The following MCTP1 variants were observed in gnomAD, a reference collection of about 807,000 sequenced individuals.
MCTP1 encodes multiple C2 and transmembrane domain containing 1, also known as multiple C2 and transmembrane domain-containing protein 1.
MCTP1 carries 69 observed loss-of-function variants against 120.6 expected under a neutral mutation model. The ratio of observed to expected loss-of-function variants is 0.57; its 90% CI spans 0.47 to 0.70. The LOEUF (loss-of-function observed/expected upper bound fraction) is 0.70. Ranked by LOEUF, MCTP1 falls within the 30% of genes least tolerant of loss-of-function variation. The probability of loss-of-function intolerance (pLI) is 0.00; values close to 1 mark genes in which losing one functional copy is unlikely to be tolerated. For missense variants in MCTP1, 1,203 were observed against 1,248.8 expected, an observed-to-expected ratio of 0.96 and a Z score of 0.55; for synonymous variants, 529 against 493.1, an observed-to-expected ratio of 1.07 and a Z score of -0.96.
intron 1 of MCTP1, among the ~76,000 whole-genome samples, chr5:95,060,645 C>G (rs1748716835): frequency 6.6e-6 from 1 of 152,094 alleles, no homozygotes; most frequent in Non-Finnish European, 1.5e-5. Context: ...TTGTTCCACT[C>G]AGAATTTTAG....
At chr5:95,031,524 C>T (rs1310169047) in intron 1 of MCTP1, among the ~76,000 whole-genome samples, 4 of 152,100 alleles carry the variant, frequency 2.6e-5, no homozygotes, top group Admixed American at 1.3e-4. Flanking sequence ...AATTTCACGT[C>T]CTCCTAAAAA....
At chr5:94,847,516 G>A (rs1277279897) in intron 17 of MCTP1, among the ~76,000 whole-genome samples, 2 of 151,860 alleles carry the variant, frequency 1.3e-5, no homozygotes, top group Admixed American at 1.3e-4. Context: ...CTGGAAATGG[G>A]ATCTCTGAGG....
At chr5:94,976,654 A>G (rs1268679491) in intron 2 of MCTP1, 2 of 152,138 alleles carry the variant, frequency 1.3e-5, no homozygotes, top group South Asian at 2.1e-4. Context: ...TATAGCAAAC[A>G]TACAGTAAAA....
rs535326505 is a variant in MCTP1, at chr5:94,800,283, A to G, written c.2437-1151T>C. On this transcript the variant is annotated intron_variant, in intron 17 of 22. Transcript: ENST00000515393. ...AAGGTCCTCAAGTAATACAGATTAT[A>G]ATACTGGAAGCTAGAAAGCCCTCTG... Among the ~76,000 whole-genome samples, 15 of 152,336 alleles carry G rather than the reference A, an allele frequency of 9.8e-5. No individual in the cohort carries two copies. The South Asian group carries it at 2.9e-3, about 29-fold the overall frequency.
intron 17 of MCTP1, among the ~76,000 whole-genome samples, chr5:94,860,927 CTT>C (rs770777629): frequency 7.9e-5 from 12 of 151,604 alleles, no homozygotes; most frequent in South Asian, 2.1e-4. Context: ...AAAGGCCACA[CTT>C]TGTCTCTAAA....
intron 2 of MCTP1, among the ~76,000 whole-genome samples, chr5:94,996,090 AAGAC>A (rs1018041270): frequency 1.3e-5 from 2 of 152,214 alleles, no homozygotes; most frequent in Admixed American, 1.3e-4. Context: ...ATTGGCTTAA[AAGAC>A]AGTTAAATGT....
chr5:95,122,389 T>C (rs1279093375), intron 1 of MCTP1, among the ~76,000 whole-genome samples: 1 of 152,186 alleles, frequency 6.6e-6, no homozygotes, highest in African/African-American at 2.4e-5. Context: ...CAAACAGGTA[T>C]ATGAAATGGT....
chr5:94,964,689 G>C (rs1022091261), intron 2 of MCTP1, among the ~76,000 whole-genome samples: 11 of 152,038 alleles, frequency 7.2e-5, no homozygotes, highest in Non-Finnish European at 7.4e-5. Flanking sequence ...CATTTAAATA[G>C]AATATCTTTT....
chr5:95,013,931 C>A (rs1209678222), intron 2 of MCTP1, among the ~76,000 whole-genome samples: 1 of 151,928 alleles, frequency 6.6e-6, no homozygotes, highest in Non-Finnish European at 1.5e-5. Flanking sequence ...AAATTGCAAA[C>A]CTTCTGGAAA....
rs1250789291 is a variant in MCTP1, at chr5:94,870,749, C to T, written c.2241+123G>A. On this transcript the variant is annotated intron_variant, in intron 15 of 22. Coordinates refer to ENST00000515393, the MANE Select transcript of MCTP1 (RefSeq NM_024717.7). Reference sequence around the variant, plus strand: ...TGCCAGGCAGTGGCAGAAGCGTATTCTCCAGGACACATGAAGGTTTAGAGA... The same window carrying T: ...TGCCAGGCAGTGGCAGAAGCGTATTTTCCAGGACACATGAAGGTTTAGAGA... The T allele has an allele frequency of 7.8e-6, 6 of 772,990 alleles. No individual in the cohort carries two copies. In the Admixed American group the frequency reaches 1.3e-4, roughly 17 times the overall value. The allele number at this position is 772,990 out of a possible 1,614,324, so 47.9% of individuals were successfully genotyped here.
At chr5:95,171,528 T>C (rs1025576105) in intron 1 of MCTP1, among the ~76,000 whole-genome samples, 4 of 152,222 alleles carry the variant, frequency 2.6e-5, no homozygotes, top group Admixed American at 6.5e-5. Context: ...TTCCATTCTC[T>C]GTGTCACTTT....
chr5:95,257,321 G>C (rs1440060416), intron 1 of MCTP1, among the ~76,000 whole-genome samples: 2 of 152,008 alleles, frequency 1.3e-5, no homozygotes, highest in Non-Finnish European at 2.9e-5. Context: ...AAATTAACAA[G>C]ATCTGTCTCA....
At chr5:94,913,676 G>T (rs1809369589) in intron 8 of MCTP1, among the ~76,000 whole-genome samples, 1 of 151,840 alleles carries the variant, frequency 6.6e-6, no homozygotes, top group African/African-American at 2.4e-5. Flanking sequence ...TTTAGTATCT[G>T]AATATTTTCT....
intron 12 of MCTP1, among the ~76,000 whole-genome samples, chr5:94,878,028 G>A (rs976816991): frequency 5.9e-5 from 9 of 151,876 alleles, no homozygotes; most frequent in African/African-American, 2.2e-4. Flanking sequence ...TACCCATGGG[G>A]GCCTTTTATT....
At chr5:94,846,582 T>A (rs564314500) in intron 17 of MCTP1, among the ~76,000 whole-genome samples, 2 of 152,260 alleles carry the variant, frequency 1.3e-5, no homozygotes, top group Non-Finnish European at 2.9e-5. Flanking sequence ...AATGGAATTA[T>A]CTGTATACCA....
intron 1 of MCTP1, among the ~76,000 whole-genome samples, chr5:95,077,037 T>G (rs1753747215): frequency 6.6e-6 from 1 of 152,170 alleles, no homozygotes; most frequent in Admixed American, 6.5e-5. Context: ...TTAGTCACCT[T>G]CCTTATTTTG....
chr5:95,005,751 G>C (rs1353896966), intron 2 of MCTP1, among the ~76,000 whole-genome samples: 2 of 124,516 alleles, frequency 1.6e-5, no homozygotes, highest in East Asian at 4.9e-4. Context: ...TGAGCCAATG[G>C]AACCTCTTTT....
intron 1 of MCTP1, among the ~76,000 whole-genome samples, chr5:95,083,486 G>T (rs1307244410): frequency 6.6e-6 from 1 of 152,186 alleles, no homozygotes; most frequent in Admixed American, 6.5e-5. Context: ...CAACGCAGGG[G>T]TCAAGGATGG....
intron 1 of MCTP1, among the ~76,000 whole-genome samples, chr5:95,213,992 A>G (rs1752722861): frequency 6.6e-6 from 1 of 152,136 alleles, no homozygotes; most frequent in Non-Finnish European, 1.5e-5. Context: ...AGCAATGGCA[A>G]CAAAAGCCAA....
Sources: allele counts gnomAD v4.1 joint callset (sites outside exome capture counted in the v4.1 genomes callset), GRCh38; gene constraint gnomAD v4.1.1; transcripts MANE v1.5; gene names NCBI Gene and HGNC (gene_info 2026-07-23, HGNC 2026-07-21).